ALPK1: variants seen among roughly 807,000 people sequenced by gnomAD.
The protein encoded by ALPK1 is alpha kinase 1.
Under a neutral mutation model 120.6 loss-of-function variants are expected in ALPK1, and 110 were observed. The observed-to-expected ratio is 0.91, with a 90% CI of 0.78 to 1.07. ALPK1 has a LOEUF of 1.07. Among genes scored for constraint, ALPK1 ranks in the 50% least tolerant of loss-of-function variants. The pLI, the probability that ALPK1 is intolerant of heterozygous loss-of-function variation, is 0.00. For synonymous variants in ALPK1, 582 were observed against 560.3 expected (o/e 1.04, Z -0.55); for missense variants, 1,498 against 1,483.9 (o/e 1.01, Z -0.16).
At chr4:112,302,581 T>C (rs537636903) in intron 1 of ALPK1, 27 of 152,360 alleles carry the variant, frequency 1.8e-4, no homozygotes, top group African/African-American at 6.3e-4. Context: ...TCTGTTTCAG[T>C]AAAAAGTGTG....
intron 4 of ALPK1, among the ~76,000 whole-genome samples, chr4:112,404,788 GC>G: frequency 6.6e-6 from 1 of 152,240 alleles, no homozygotes; most frequent in South Asian, 2.1e-4. Context: ...ATATTCTTGA[GC>G]TTTGTTCTGG....
intron 1 of ALPK1, among the ~76,000 whole-genome samples, chr4:112,309,570 G>C (rs868753940): frequency 6.6e-6 from 1 of 152,066 alleles, no homozygotes; most frequent in Non-Finnish European, 1.5e-5. Flanking sequence ...TAATCTCCTC[G>C]TATGCCATTT....
At chr4:112,375,386 C>T (rs1370080135) in intron 2 of ALPK1, among the ~76,000 whole-genome samples, 1 of 152,058 alleles carries the variant, frequency 6.6e-6, no homozygotes, top group Non-Finnish European at 1.5e-5. Flanking sequence ...CCCTCTGTTG[C>T]CCAGGCTGGG....
intron 2 of ALPK1, among the ~76,000 whole-genome samples, chr4:112,361,918 G>A (rs527777086): frequency 5.3e-5 from 8 of 152,340 alleles, no homozygotes; most frequent in South Asian, 2.1e-4. Flanking sequence ...ACAGGACTCC[G>A]TGCAGACACT....
intron 2 of ALPK1, among the ~76,000 whole-genome samples, chr4:112,344,930 C>T (rs1362429709): frequency 2.6e-5 from 4 of 152,190 alleles, no homozygotes; most frequent in Admixed American, 2.6e-4. Context: ...GGTTCAAAAC[C>T]TCTAAGCATT....
chr4:112,394,085 G>A (rs1012135131), intron 4 of ALPK1, among the ~76,000 whole-genome samples: 3 of 152,184 alleles, frequency 2.0e-5, no homozygotes, highest in Non-Finnish European at 4.4e-5. Context: ...TAGAGAGAAT[G>A]AGAAGAGGCT....
At chr4:112,438,145 G>C (rs1327934785) in intron 12 of ALPK1, among the ~76,000 whole-genome samples, 1 of 152,160 alleles carries the variant, frequency 6.6e-6, no homozygotes, top group African/African-American at 2.4e-5. Flanking sequence ...ACACTGCAGG[G>C]AGTGGAAGGT....
intron 2 of ALPK1, chr4:112,357,570 C>T (rs1003020203): frequency 1.8e-5 from 25 of 1,403,182 alleles, no homozygotes; most frequent in South Asian, 1.1e-4. Context: ...CACTGGCCCC[C>T]GGGTCCTCCT....
intron 1 of ALPK1, among the ~76,000 whole-genome samples, chr4:112,303,515 A>G (rs1453871148): frequency 6.6e-6 from 1 of 152,148 alleles, no homozygotes; most frequent in African/African-American, 2.4e-5. Context: ...TGTCTTTTGA[A>G]TCTACCATAT....
intron 4 of ALPK1, 24 bp from the exon 5 acceptor site, chr4:112,411,803 C>G: frequency 6.3e-7 from 1 of 1,592,004 alleles, no homozygotes; most frequent in Non-Finnish European, 8.5e-7. Flanking sequence ...GCCTGGCTCA[C>G]GATGTTCCAC....
intron 2 of ALPK1, among the ~76,000 whole-genome samples, chr4:112,369,758 T>G (rs952013614): frequency 4.6e-5 from 7 of 152,238 alleles, no homozygotes; most frequent in Admixed American, 4.6e-4. Flanking sequence ...TCTGTGGGCT[T>G]GCTTATGAAT....
chr4:112,393,942 A>G (rs1206982919), intron 4 of ALPK1, among the ~76,000 whole-genome samples: 1 of 152,066 alleles, frequency 6.6e-6, no homozygotes, highest in Non-Finnish European at 1.5e-5. Flanking sequence ...ATATATATAT[A>G]TATATACTGT....
intron 1 of ALPK1, among the ~76,000 whole-genome samples, chr4:112,299,551 T>TGC (rs1727695781): frequency 6.6e-6 from 1 of 152,126 alleles, no homozygotes; most frequent in Admixed American, 6.6e-5. Context: ...TGGCAAAAAT[T>TGC]ATGAAGATGG....
intron 2 of ALPK1, among the ~76,000 whole-genome samples, chr4:112,375,224 A>T (rs1731599854): frequency 6.9e-6 from 1 of 145,022 alleles, no homozygotes; most frequent in East Asian, 2.0e-4. Flanking sequence ...TATGTCACTC[A>T]GCCGGAGTGT....
intron 2 of ALPK1, among the ~76,000 whole-genome samples, chr4:112,344,983 G>A (rs1196375786): frequency 3.9e-5 from 6 of 152,310 alleles, no homozygotes. Context: ...AATGTTTAAA[G>A]ATCAATGAAG....
chr4:112,390,588 A>T (rs1207195211), intron 4 of ALPK1, among the ~76,000 whole-genome samples: 1 of 152,084 alleles, frequency 6.6e-6, no homozygotes, highest in Non-Finnish European at 1.5e-5. Context: ...ACACCCTTGG[A>T]TGGATGGATG....
At chr4:112,359,344 A>G (rs1348628072) in intron 2 of ALPK1, 2 of 393,964 alleles carry the variant, frequency 5.1e-6, no homozygotes, top group East Asian at 1.1e-4. Flanking sequence ...CTGACAGCCT[A>G]CAAGCAGGAT....
At chr4:112,393,564 C>T (rs1732518556) in intron 4 of ALPK1, among the ~76,000 whole-genome samples, 1 of 152,084 alleles carries the variant, frequency 6.6e-6, no homozygotes, top group African/African-American at 2.4e-5. Context: ...TTACAATAAA[C>T]ATTGCTTACC....
At chr4:112,409,190 C>G (rs1284787149) in intron 4 of ALPK1, among the ~76,000 whole-genome samples, 1 of 152,150 alleles carries the variant, frequency 6.6e-6, no homozygotes, top group African/African-American at 2.4e-5. Flanking sequence ...GGTAGCTACT[C>G]TCAATCCAGT....
Sources: allele counts gnomAD v4.1 joint callset (sites outside exome capture counted in the v4.1 genomes callset), GRCh38; gene constraint gnomAD v4.1.1; transcripts MANE v1.5; gene names NCBI Gene and HGNC (gene_info 2026-07-23, HGNC 2026-07-21).